ATP2B2: variants seen among roughly 807,000 people sequenced by gnomAD.
ATP2B2 encodes the protein ATPase plasma membrane Ca2+ transporting 2, also known as plasma membrane calcium-transporting ATPase 2.
ATP2B2 carries 15 observed loss-of-function variants against 120.0 expected under a neutral mutation model. The ratio of observed to expected loss-of-function variants is 0.12; its 90% CI spans 0.08 to 0.19. The LOEUF (loss-of-function observed/expected upper bound fraction) is 0.19. Ranked by LOEUF, ATP2B2 falls within the 10% of genes least tolerant of loss-of-function variation. The probability of loss-of-function intolerance (pLI) is 1.00; values close to 1 mark genes in which losing one functional copy is unlikely to be tolerated. For synonymous variants in ATP2B2, 694 were observed against 700.3 expected (o/e 0.99, Z 0.14); for missense variants, 1,045 against 1,719.8 (o/e 0.61, Z 6.94).
At chr3:10,486,150 G>A (rs533266361) in intron 1 of ATP2B2, among the ~76,000 whole-genome samples, 2 of 152,210 alleles carry the variant, frequency 1.3e-5, no homozygotes, top group East Asian at 1.9e-4. Flanking sequence ...GTGGGTGCCC[G>A]CTCATCGAGC....
chr3:10,608,244 C>T (rs2069137678), intron 2 of ATP2B2, among the ~76,000 whole-genome samples: 1 of 152,180 alleles, frequency 6.6e-6, no homozygotes, highest in Non-Finnish European at 1.5e-5. Context: ...CAAAGCTGAC[C>T]ACATCAAGCC....
At chr3:10,544,645 A>G (rs2067506807) in intron 2 of ATP2B2, among the ~76,000 whole-genome samples, 1 of 152,042 alleles carries the variant, frequency 6.6e-6, no homozygotes, top group African/African-American at 2.4e-5. Context: ...CTCCCTTCAC[A>G]AACGATGCTT....
intron 22 of ATP2B2, among the ~76,000 whole-genome samples, chr3:10,337,829 GC>G (rs1262005739): frequency 6.6e-6 from 1 of 152,016 alleles, no homozygotes; most frequent in Non-Finnish European, 1.5e-5. Flanking sequence ...GTGGGTGGGT[GC>G]CCCCAGCCCT....
intron 3 of ATP2B2, among the ~76,000 whole-genome samples, chr3:10,512,488 A>G (rs1418183291): frequency 1.1e-4 from 17 of 151,248 alleles, no homozygotes; most frequent in East Asian, 5.8e-4. Flanking sequence ...ACACACACAC[A>G]CACACACACA....
chr3:10,573,371 G>C (rs975129967), intron 2 of ATP2B2, among the ~76,000 whole-genome samples: 3 of 152,134 alleles, frequency 2.0e-5, no homozygotes, highest in African/African-American at 4.8e-5. Flanking sequence ...CACTGCACCA[G>C]GATGGCAGAA....
intron 2 of ATP2B2, among the ~76,000 whole-genome samples, chr3:10,567,452 TA>T (rs755456541): frequency 1.6e-4 from 24 of 152,254 alleles, no homozygotes; most frequent in African/African-American, 4.6e-4. Flanking sequence ...GAATGCCATA[TA>T]GGGGGGTGTG....
intron 3 of ATP2B2, among the ~76,000 whole-genome samples, chr3:10,516,514 C>A (rs778846498): frequency 2.0e-5 from 3 of 152,244 alleles, no homozygotes; most frequent in Non-Finnish European, 4.4e-5. Flanking sequence ...ACCTCAGATA[C>A]CATCCTGTCG....
At chr3:10,381,649 C>G (rs2061534087) in intron 8 of ATP2B2, among the ~76,000 whole-genome samples, 1 of 152,214 alleles carries the variant, frequency 6.6e-6, no homozygotes. Flanking sequence ...TCGCCTGGCC[C>G]TGAACTATGG....
At chr3:10,400,371 C>G (rs1279507644) in intron 5 of ATP2B2, among the ~76,000 whole-genome samples, 1 of 152,260 alleles carries the variant, frequency 6.6e-6, no homozygotes, top group Non-Finnish European at 1.5e-5. Flanking sequence ...CTGCTGTTTC[C>G]TCTGCCTGGT....
At position 10,350,370 on chromosome 3, in the gene ATP2B2, TGAG is replaced by T. The variant is rs777602290; in HGVS notation, c.2316+25_2316+27del. 1.9e-6 allele frequency: 3 copies of T among 1,614,050 alleles called. No homozygotes were observed. In the African/African-American group the frequency reaches 4.0e-5, roughly 22 times the overall value. ...CAGCTCCCATCTGAGCGCGTTCCCC[TGAG>T]GATGCTTTACGTTGGGACACGCACC... is the stretch of plus-strand genomic sequence containing the variant. On this transcript the variant is annotated intron_variant, in intron 15 of 22. Transcript: ENST00000360273.
intron 1 of ATP2B2, among the ~76,000 whole-genome samples, chr3:10,453,006 A>C (rs17787089): frequency 0.25 from 37,711 of 152,158 alleles, 6,087 homozygotes; most frequent in Non-Finnish European, 0.36. Flanking sequence ...CAGCATCTAT[A>C]ATTTGGGGCT....
chr3:10,653,768 C>T (rs2070531786), intron 1 of ATP2B2, among the ~76,000 whole-genome samples: 1 of 152,162 alleles, frequency 6.6e-6, no homozygotes. Context: ...TAGTGAGAGT[C>T]TCCAGCCTAC....
chr3:10,386,720 C>T (rs926649028), intron 6 of ATP2B2, among the ~76,000 whole-genome samples: 8 of 152,190 alleles, frequency 5.3e-5, no homozygotes, highest in Non-Finnish European at 1.2e-4. Context: ...CCAGCTGAGG[C>T]CATGCTGCTC....
chr3:10,703,569 C>T lies in ATP2B2; in HGVS notation c.-460+4346G>A, dbSNP rs1321984922. 2.6e-5 allele frequency among the ~76,000 whole-genome samples: 4 copies of T among 152,324 alleles called. No individual in the cohort carries two copies. The East Asian group carries it at 7.7e-4, about 29-fold the overall frequency. ...ACACCATCCCAACATCTGCCATTTC[C>T]TAGAACTCCGGATCAGCACACACCT... is the stretch of plus-strand genomic sequence containing the variant. On this transcript the variant is annotated intron_variant, in intron 1 of 21. Transcript: ENST00000646379.
intron 1 of ATP2B2, among the ~76,000 whole-genome samples, chr3:10,665,581 C>G (rs181334881): frequency 3.0e-4 from 46 of 152,328 alleles, no homozygotes; most frequent in African/African-American, 1.1e-3. Flanking sequence ...TGCCTGGCAC[C>G]TACTAGGACT....
At chr3:10,678,055 C>T (rs370369807) in intron 1 of ATP2B2, among the ~76,000 whole-genome samples, 1 of 152,120 alleles carries the variant, frequency 6.6e-6, no homozygotes, top group Admixed American at 6.5e-5. Context: ...ATAATTAAAC[C>T]CCAGGAAGTG....
chr3:10,656,874 G>A (rs1353500223), intron 1 of ATP2B2, among the ~76,000 whole-genome samples: 2 of 152,218 alleles, frequency 1.3e-5, no homozygotes, highest in Non-Finnish European at 2.9e-5. Flanking sequence ...CCTAGAAGAG[G>A]GCACAGCAAA....
intron 1 of ATP2B2, among the ~76,000 whole-genome samples, chr3:10,634,757 G>A (rs1400488712): frequency 6.6e-6 from 1 of 152,158 alleles, no homozygotes; most frequent in African/African-American, 2.4e-5. Context: ...CCCATGACAA[G>A]TCACCAGGAA....
At chr3:10,518,784 C>T (rs755839004) in intron 3 of ATP2B2, among the ~76,000 whole-genome samples, 10 of 152,196 alleles carry the variant, frequency 6.6e-5, no homozygotes, top group Non-Finnish European at 2.9e-5. Flanking sequence ...CCCCGGGCCC[C>T]GCTTTCACCG....
Sources: allele counts gnomAD v4.1 joint callset (sites outside exome capture counted in the v4.1 genomes callset), GRCh38; gene constraint gnomAD v4.1.1; transcripts MANE v1.5; gene names NCBI Gene and HGNC (gene_info 2026-07-23, HGNC 2026-07-21).